The following SV2C variants were observed in gnomAD, a reference collection of about 807,000 sequenced individuals.
SV2C encodes the protein solute carrier family 22 member B3.
In SV2C, 49 loss-of-function variants were observed where a neutral mutation model predicts 79.7. The ratio of observed to expected loss-of-function variants is 0.61; its 90% confidence interval spans 0.49 to 0.78. The LOEUF (loss-of-function observed/expected upper bound fraction) is 0.78, where lower values mean the gene tolerates loss of function less well. SV2C is among the 30% of genes least tolerant of loss of function. The pLI is 0.00. For synonymous variants in SV2C, 334 were observed against 333.2 expected (o/e 1.00, Z -0.03); for missense variants, 833 against 912.9 (o/e 0.91, Z 1.13).
rs762977650 is a variant in SV2C, at chr5:76,301,380, T to C, written c.1841-6T>C. ...CATTCCAGCCTTTTGTCTGCATTGT[T>C]GGCAGGTGGCTCTATGGTGCTTTCG... On this transcript the variant is annotated splice_region_variant and splice_polypyrimidine_tract_variant and intron_variant, in intron 11 of 12. Transcript: ENST00000502798. 4 of 1,613,622 alleles carry C rather than the reference T, an allele frequency of 2.5e-6. No individual in the cohort carries two copies. The African/African-American group carries it at 4.0e-5, about 16-fold the overall frequency.
intron 1 of SV2C, among the ~76,000 whole-genome samples, chr5:76,113,266 C>T (rs759882242): frequency 6.6e-6 from 1 of 152,240 alleles, no homozygotes; most frequent in African/African-American, 2.4e-5. Flanking sequence ...GCTCTTATCA[C>T]ATCATAATAT....
At chr5:76,223,438 T>G (rs1194067294) in intron 4 of SV2C, among the ~76,000 whole-genome samples, 161 of 63,874 alleles carry the variant, frequency 2.5e-3, no homozygotes, top group Non-Finnish European at 3.8e-3. Context: ...TTTATATACA[T>G]ACATACATAT....
chr5:75,923,179 A>G, the SV2C span, among the ~76,000 whole-genome samples: 1 of 152,196 alleles, frequency 6.6e-6, no homozygotes, highest in Non-Finnish European at 1.5e-5. Context: ...AGGACACCCT[A>G]TTTAATAAAT....
At chr5:76,002,858 T>C in the SV2C span, among the ~76,000 whole-genome samples, 1 of 120,850 alleles carries the variant, frequency 8.3e-6, no homozygotes, top group East Asian at 2.0e-4. Flanking sequence ...CCATTACTTC[T>C]GTGCGTGTGT....
the SV2C span, among the ~76,000 whole-genome samples, chr5:75,895,467 A>G: frequency 1.3e-5 from 2 of 152,186 alleles, no homozygotes; most frequent in Non-Finnish European, 2.9e-5. Context: ...CAGTAAAGTG[A>G]CATAAAGTAG....
intron 1 of SV2C, among the ~76,000 whole-genome samples, chr5:76,130,761 T>C (rs141982538): frequency 6.6e-6 from 1 of 152,156 alleles, no homozygotes; most frequent in African/African-American, 2.4e-5. Context: ...CAGACTTTAC[T>C]ACCAAAACAG....
At chr5:76,094,254 G>A (rs1360712911) in intron 1 of SV2C, among the ~76,000 whole-genome samples, 2 of 152,140 alleles carry the variant, frequency 1.3e-5, no homozygotes, top group Admixed American at 1.3e-4. Context: ...CAGTTTGACA[G>A]GTGTATACAT....
At chr5:75,938,444 C>T in the SV2C span, among the ~76,000 whole-genome samples, 3 of 152,248 alleles carry the variant, frequency 2.0e-5, no homozygotes, top group South Asian at 6.2e-4. Context: ...GTGGTTTAAT[C>T]ATAAAATGGA....
the SV2C span, among the ~76,000 whole-genome samples, chr5:75,976,460 A>T: frequency 6.6e-6 from 1 of 152,074 alleles, no homozygotes; most frequent in Non-Finnish European, 1.5e-5. Context: ...TTCTGTAATC[A>T]GGTTGGAATG....
At chr5:75,933,506 C>G in the SV2C span, among the ~76,000 whole-genome samples, 1 of 152,170 alleles carries the variant, frequency 6.6e-6, no homozygotes, top group Admixed American at 6.5e-5. Context: ...GCCTGAGTTT[C>G]TTTAGTCTCC....
At chr5:76,212,949 A>G (rs1744807727) in intron 4 of SV2C, among the ~76,000 whole-genome samples, 1 of 152,192 alleles carries the variant, frequency 6.6e-6, no homozygotes, top group Non-Finnish European at 1.5e-5. Context: ...TACAAGGGCT[A>G]ATTAATTCAT....
intron 2 of SV2C, among the ~76,000 whole-genome samples, chr5:76,140,058 G>A (rs1235585544): frequency 6.6e-6 from 1 of 152,044 alleles, no homozygotes; most frequent in Admixed American, 6.6e-5. Context: ...TGGAGTAGTT[G>A]TTTTTGTTTT....
the SV2C span, among the ~76,000 whole-genome samples, chr5:75,931,639 T>C: frequency 4.6e-5 from 7 of 152,220 alleles, no homozygotes; most frequent in African/African-American, 1.7e-4. Flanking sequence ...ACATTAAACC[T>C]AACTGGTTGA....
At chr5:75,936,310 T>C in the SV2C span, among the ~76,000 whole-genome samples, 1 of 152,330 alleles carries the variant, frequency 6.6e-6, no homozygotes, top group South Asian at 2.1e-4. Flanking sequence ...TTTTTAATCA[T>C]CCTTGGGTCT....
chr5:75,893,916 G>A, the SV2C span, among the ~76,000 whole-genome samples: 22 of 152,122 alleles, frequency 1.4e-4, no homozygotes, highest in South Asian at 8.3e-4. Flanking sequence ...TTTGATCTGC[G>A]AATGACAGCC....
At position 76,105,342 on chromosome 5, in the gene SV2C, T is replaced by C. The variant is rs117451936; in HGVS notation, c.-102+21830T>C. On this transcript the variant is annotated intron_variant, in intron 1 of 12. Coordinates refer to ENST00000502798, the MANE Select transcript of SV2C (RefSeq NM_014979.4). ...CTGTTGCTTTAAGTCATGAGGATTG[T>C]GGTAATTTGTGGGGCAGCCTTAGGA... Among the ~76,000 whole-genome samples, 139 of 152,242 alleles carry C rather than the reference T, an allele frequency of 9.1e-4. 2 individuals carry two copies. The East Asian group carries it at 0.027, about 29-fold the overall frequency.
chr5:76,089,598 C>T (rs1003849553), intron 1 of SV2C, among the ~76,000 whole-genome samples: 2 of 152,176 alleles, frequency 1.3e-5, no homozygotes, highest in Non-Finnish European at 2.9e-5. Flanking sequence ...TTTGAAGAAT[C>T]GCCACACTGT....
the SV2C span, among the ~76,000 whole-genome samples, chr5:75,897,372 A>C: frequency 2.0e-5 from 3 of 151,648 alleles, no homozygotes; most frequent in Admixed American, 2.0e-4. Flanking sequence ...AAGATCAGAT[A>C]GTTGTAGATA....
chr5:76,268,234 G>C (rs1166047834), intron 4 of SV2C, among the ~76,000 whole-genome samples: 1 of 152,128 alleles, frequency 6.6e-6, no homozygotes, highest in Non-Finnish European at 1.5e-5. Context: ...AGGTGGGAGG[G>C]GGAAGGGAAA....
Sources: gnomAD v4.1 joint callset for allele counts (sites outside exome capture counted in the v4.1 genomes callset) on GRCh38, gnomAD v4.1.1 for gene constraint, MANE v1.5 for transcripts, NCBI Gene and HGNC (gene_info 2026-07-23, HGNC 2026-07-21) for gene names.